RAB38: variants seen among roughly 807,000 people sequenced by gnomAD.
The protein encoded by RAB38 is ras-related protein Rab-38.
Under a neutral mutation model 18.4 loss-of-function variants are expected in RAB38, and 15 were observed. The observed-to-expected ratio is 0.82, with a 90% CI of 0.55 to 1.26. RAB38 has a LOEUF of 1.26. Among genes scored for constraint, RAB38 ranks in the 50% most tolerant of loss-of-function variants. The pLI, the probability that RAB38 is intolerant of heterozygous loss-of-function variation, is 0.00. For missense variants in RAB38, 294 were observed against 267.4 expected (o/e 1.10, Z -0.69); for synonymous variants, 101 against 104.4 (o/e 0.97, Z 0.20).
At chr11:88,054,360 T>C in the RAB38 span, among the ~76,000 whole-genome samples, 1 of 152,180 alleles carries the variant, frequency 6.6e-6, no homozygotes, top group South Asian at 2.1e-4. Flanking sequence ...ATGTATAAGA[T>C]GGAAAAATAA....
chr11:88,057,748 A>G, the RAB38 span, among the ~76,000 whole-genome samples: 1 of 152,278 alleles, frequency 6.6e-6, no homozygotes, highest in East Asian at 1.9e-4. Flanking sequence ...CCATTAAGCT[A>G]CAAACTCTTT....
the RAB38 span, among the ~76,000 whole-genome samples, chr11:87,870,530 C>T: frequency 6.6e-6 from 1 of 151,440 alleles, no homozygotes; most frequent in East Asian, 1.9e-4. Context: ...CTTACTGTGG[C>T]CTTTGGCTTT....
At chr11:88,171,593 A>G (rs922422497) in intron 1 of RAB38, among the ~76,000 whole-genome samples, 37 of 152,226 alleles carry the variant, frequency 2.4e-4, no homozygotes, top group African/African-American at 8.9e-4. Context: ...TCAATTTTAA[A>G]TTCTAGTGGC....
chr11:87,897,064 A>AT, the RAB38 span, among the ~76,000 whole-genome samples: 3 of 151,596 alleles, frequency 2.0e-5, no homozygotes, highest in African/African-American at 7.3e-5. Flanking sequence ...AGAAGTCTAC[A>AT]TTTTTTTCTC....
chr11:88,109,610 G>C (rs922140557), downstream of RAB38, among the ~76,000 whole-genome samples: 1 of 152,104 alleles, frequency 6.6e-6, no homozygotes, highest in Non-Finnish European at 1.5e-5. Context: ...GTAAATTTTT[G>C]CAATTTATCC....
At chr11:87,884,717 G>A in the RAB38 span, among the ~76,000 whole-genome samples, 51 of 151,886 alleles carry the variant, frequency 3.4e-4, no homozygotes, top group Non-Finnish European at 6.0e-4. Context: ...GGGCAAAAAA[G>A]GGATATCAAA....
At chr11:88,123,975 G>A (rs1346773390) in intron 2 of RAB38, among the ~76,000 whole-genome samples, 1 of 151,986 alleles carries the variant, frequency 6.6e-6, no homozygotes, top group African/African-American at 2.4e-5. Flanking sequence ...TGATTCTTAT[G>A]CCCTAGCCCT....
chr11:87,932,674 A>G, the RAB38 span, among the ~76,000 whole-genome samples: 2 of 152,114 alleles, frequency 1.3e-5, no homozygotes, highest in Non-Finnish European at 2.9e-5. Context: ...GTGTTAGATA[A>G]GCATTTAGAT....
At chr11:88,112,827 G>A (rs1046240519), downstream of RAB38, among the ~76,000 whole-genome samples, 1 of 151,812 alleles carries the variant, frequency 6.6e-6, no homozygotes, top group Non-Finnish European at 1.5e-5. Context: ...TACGACTCCT[G>A]TGAGTGTATT....
chr11:88,051,601 T>C, the RAB38 span, among the ~76,000 whole-genome samples: 1 of 151,876 alleles, frequency 6.6e-6, no homozygotes, highest in Non-Finnish European at 1.5e-5. Flanking sequence ...TTAGTCATCA[T>C]GTGAAAAACA....
At chr11:87,878,054 G>T in the RAB38 span, among the ~76,000 whole-genome samples, 39 of 150,766 alleles carry the variant, frequency 2.6e-4, no homozygotes, top group Non-Finnish European at 5.2e-4. Context: ...GAGCCAGAGA[G>T]AATTTAAATT....
the RAB38 span, among the ~76,000 whole-genome samples, chr11:87,831,725 G>A: frequency 2.0e-5 from 3 of 152,158 alleles, no homozygotes; most frequent in Admixed American, 6.6e-5. Context: ...GTGAGTGATG[G>A]TAATAATGGT....
At chr11:88,108,463 TTTTTG>T (rs1286457809), downstream of RAB38, among the ~76,000 whole-genome samples, 1 of 152,170 alleles carries the variant, frequency 6.6e-6, no homozygotes, top group Non-Finnish European at 1.5e-5. Context: ...TTTGTTTGTT[TTTTTG>T]TTTTGTTTTT....
chr11:88,139,584 C>T lies in RAB38; in HGVS notation c.483+10091G>A, dbSNP rs552963987. Among the ~76,000 whole-genome samples the T allele has an allele frequency of 2.0e-5, 3 of 152,314 alleles. No individual in the cohort carries two copies. The East Asian group carries it at 5.8e-4, about 29-fold the overall frequency. On this transcript the variant is annotated intron_variant, in intron 2 of 2. Coordinates refer to ENST00000243662, the MANE Select transcript of RAB38 (RefSeq NM_022337.3). ...CCTACTTGAATATATAGTAGGTATT[C>T]AGAGAATACTTGGAGAATGAATAAA...
At chr11:88,091,390 C>A in the RAB38 span, among the ~76,000 whole-genome samples, 3 of 152,146 alleles carry the variant, frequency 2.0e-5, no homozygotes, top group Non-Finnish European at 4.4e-5. Context: ...CCCTTCCCCT[C>A]AACTCTGCCA....
chr11:88,005,874 T>G, the RAB38 span, among the ~76,000 whole-genome samples: 1 of 151,660 alleles, frequency 6.6e-6, no homozygotes. Context: ...CCCCATTGCA[T>G]GTACTTGACA....
chr11:87,975,859 A>T, the RAB38 span, among the ~76,000 whole-genome samples: 1 of 151,682 alleles, frequency 6.6e-6, no homozygotes, highest in Non-Finnish European at 1.5e-5. Context: ...AAAAAAAGAG[A>T]AACAACACAA....
At chr11:88,016,565 A>G in the RAB38 span, among the ~76,000 whole-genome samples, 9 of 152,196 alleles carry the variant, frequency 5.9e-5, no homozygotes, top group South Asian at 2.1e-4. Flanking sequence ...ACAGACCTTG[A>G]TAAGTCCATG....
At chr11:88,129,117 A>C (rs2134792127) in intron 2 of RAB38, among the ~76,000 whole-genome samples, 1 of 152,316 alleles carries the variant, frequency 6.6e-6, no homozygotes, top group South Asian at 2.1e-4. Context: ...ATTTTTCCGT[A>C]AACTTACACA....
Sources: allele counts gnomAD v4.1 joint callset (sites outside exome capture counted in the v4.1 genomes callset), GRCh38; gene constraint gnomAD v4.1.1; transcripts MANE v1.5; gene names NCBI Gene and HGNC (gene_info 2026-07-23, HGNC 2026-07-21).